The following VWA3B variants were observed in gnomAD, a reference collection of about 807,000 sequenced individuals.
The protein encoded by VWA3B is von Willebrand factor A domain containing 3B, also known as von Willebrand factor A domain-containing protein 3B.
Under a neutral mutation model 158.3 loss-of-function variants are expected in VWA3B, and 138 were observed. The ratio of observed to expected loss-of-function variants is 0.87; its 90% CI spans 0.76 to 1.00. The LOEUF (loss-of-function observed/expected upper bound fraction) is 1.00. Among genes scored for constraint, VWA3B ranks in the 50% least tolerant of loss-of-function variants. VWA3B has a pLI of 0.00. For missense variants in VWA3B, 1,555 were observed against 1,565.1 expected (o/e 0.99, Z 0.11); for synonymous variants, 596 against 587.3 (o/e 1.01, Z -0.21).
intron 8 of VWA3B, among the ~76,000 whole-genome samples, chr2:98,165,618 GGA>G (rs1679003607): frequency 6.6e-6 from 1 of 151,962 alleles, no homozygotes. Flanking sequence ...TTGTGTAGAG[GGA>G]GAGAGAGGTT....
At chr2:98,212,135 A>G (rs2105552506) in intron 13 of VWA3B, 107 bp downstream of exon 13, 1 of 877,550 alleles carries the variant, frequency 1.1e-6, no homozygotes. Flanking sequence ...ATCTGTGGAC[A>G]TATACTTCCT....
At chr2:98,197,475 G>A (rs767448134) in intron 12 of VWA3B, among the ~76,000 whole-genome samples, 5 of 152,072 alleles carry the variant, frequency 3.3e-5, no homozygotes, top group Non-Finnish European at 7.4e-5. Context: ...CACAATTTTA[G>A]CCCTCAATGT....
At chr2:98,268,658 GTAAT>G (rs1688009335) in intron 21 of VWA3B, among the ~76,000 whole-genome samples, 1 of 147,318 alleles carries the variant, frequency 6.8e-6, no homozygotes, top group African/African-American at 2.5e-5. Context: ...TATTTTTCAG[GTAAT>G]TAATATATCT....
In VWA3B at chr2:98,237,725, C is replaced by A. The variant is rs924873228; in HGVS notation, c.2673+995C>A. Among the ~76,000 whole-genome samples, 3 of 152,146 alleles carry A rather than the reference C, an allele frequency of 2.0e-5. 1 individual carries two copies. The highest frequency in any genetic ancestry group is 4.4e-5 in the Non-Finnish European group (3 of 68,030). On this transcript the variant is annotated intron_variant, in intron 19 of 27. Coordinates refer to ENST00000477737, the MANE Select transcript of VWA3B (RefSeq NM_144992.5). ...TCCAGGCAAATACAACAGCAACTAACGATTTAAATAGAAACATTTCAGTCT... is the reference window on the plus strand; with the variant it reads ...TCCAGGCAAATACAACAGCAACTAAAGATTTAAATAGAAACATTTCAGTCT...
intron 6 of VWA3B, among the ~76,000 whole-genome samples, chr2:98,132,981 C>T (rs972818571): frequency 1.3e-5 from 2 of 152,328 alleles, no homozygotes; most frequent in South Asian, 4.1e-4. Context: ...TGGTGCTAGG[C>T]AGAGACGGAA....
chr2:98,199,713 T>C (rs888179145), intron 12 of VWA3B, among the ~76,000 whole-genome samples: 1 of 152,194 alleles, frequency 6.6e-6, no homozygotes. Context: ...CAGACAGTAT[T>C]TCTGTTTTCC....
At chr2:98,121,838 C>T (rs1047216189) in intron 5 of VWA3B, 13 of 187,276 alleles carry the variant, frequency 6.9e-5, no homozygotes, top group African/African-American at 2.8e-4. Context: ...TTAGATCAGT[C>T]AGTCTATCTC....
At chr2:98,241,059 C>T (rs889397856) in intron 19 of VWA3B, among the ~76,000 whole-genome samples, 1 of 152,044 alleles carries the variant, frequency 6.6e-6, no homozygotes, top group Non-Finnish European at 1.5e-5. Flanking sequence ...TTAAATGTGA[C>T]GAGTGGGAAG....
chr2:98,237,890 A>G (rs1342830094), intron 19 of VWA3B, among the ~76,000 whole-genome samples: 3 of 152,086 alleles, frequency 2.0e-5, no homozygotes, highest in Non-Finnish European at 2.9e-5. Context: ...GGCGGGGGAG[A>G]GTAGATGAAA....
intron 16 of VWA3B, among the ~76,000 whole-genome samples, chr2:98,233,929 C>T (rs1453692517): frequency 5.9e-5 from 9 of 152,230 alleles, no homozygotes; most frequent in Non-Finnish European, 1.0e-4. Context: ...TGACTTGGCA[C>T]AGGCTCATTG....
At position 98,211,911 on chromosome 2, in the gene VWA3B, G is replaced by A. The variant is rs755833535; in HGVS notation, c.1738-19G>A. On this transcript the variant is annotated intron_variant, in intron 12 of 27. Transcript: ENST00000477737. Reference sequence around the variant, plus strand: ...TTTTTGGGATTCAAGTGTGTCCTTGGTGTCTCTTTTTTCCGTAGATTGGAA... The same window carrying A: ...TTTTTGGGATTCAAGTGTGTCCTTGATGTCTCTTTTTTCCGTAGATTGGAA... The A allele has an allele frequency of 1.3e-5, 21 of 1,608,682 alleles. No homozygotes were observed. Among genetic ancestry groups the A allele is most frequent in the East Asian group, 2.2e-5 (1 of 44,864 alleles).
intron 7 of VWA3B, among the ~76,000 whole-genome samples, chr2:98,138,642 C>T (rs1676475684): frequency 1.3e-5 from 2 of 152,198 alleles, no homozygotes; most frequent in South Asian, 4.1e-4. Context: ...CTCGATGTTT[C>T]CAGAAAGGAA....
intron 26 of VWA3B, among the ~76,000 whole-genome samples, chr2:98,305,671 C>T (rs962413558): frequency 6.6e-6 from 1 of 152,136 alleles, no homozygotes. Context: ...CCACAAGTCA[C>T]GGAGCTGTCC....
At chr2:98,302,039 C>CA (rs1690230835) in intron 25 of VWA3B, among the ~76,000 whole-genome samples, 1 of 152,198 alleles carries the variant, frequency 6.6e-6, no homozygotes, top group Non-Finnish European at 1.5e-5. Flanking sequence ...TCAACCCACA[C>CA]ACATGCTTCG....
intron 25 of VWA3B, among the ~76,000 whole-genome samples, chr2:98,302,097 C>T (rs901458883): frequency 4.6e-5 from 7 of 152,252 alleles, no homozygotes; most frequent in African/African-American, 7.2e-5. Context: ...TGGCCCCAGC[C>T]GGCTCCATGA....
chr2:98,117,996 C>T (rs1674660649), intron 3 of VWA3B, among the ~76,000 whole-genome samples: 1 of 152,178 alleles, frequency 6.6e-6, no homozygotes, highest in Admixed American at 6.5e-5. Context: ...CTTGGCCTCT[C>T]AGAGTCCTGG....
downstream of VWA3B, among the ~76,000 whole-genome samples, chr2:98,314,745 G>A (rs568488087): frequency 3.3e-5 from 5 of 152,302 alleles, no homozygotes; most frequent in East Asian, 1.9e-4. Flanking sequence ...AAAGCTGGCC[G>A]GACTTGGTGG....
rs1008261308 is a variant in VWA3B at position 98,121,575 on chromosome 2, C to T, written c.702+117C>T. ...ATCTTGGGCCCCTCCCAGCAGGATC[C>T]GACAGAGATCCCATTGGGCACTGAT... On this transcript the variant is annotated intron_variant, in intron 5 of 27. Transcript: ENST00000477737. 5.4e-5 allele frequency: 73 copies of T among 1,347,316 alleles called. No individual in the cohort carries two copies. The East Asian group carries it at 1.1e-3, about 20-fold the overall frequency. The allele number at this position is 1,347,316 out of a possible 1,614,324, so 83.5% of individuals were successfully genotyped here.
intron 2 of VWA3B, among the ~76,000 whole-genome samples, chr2:98,102,010 G>T (rs1683110682): frequency 6.6e-6 from 1 of 152,164 alleles, no homozygotes; most frequent in Non-Finnish European, 1.5e-5. Context: ...CCTAGGCAGA[G>T]GTCCCTGCGG....
Sources: allele counts gnomAD v4.1 joint callset (sites outside exome capture counted in the v4.1 genomes callset), GRCh38; gene constraint gnomAD v4.1.1; transcripts MANE v1.5; gene names NCBI Gene and HGNC (gene_info 2026-07-23, HGNC 2026-07-21).